ERCC3: variants seen among roughly 807,000 people sequenced by gnomAD.
The protein encoded by ERCC3 is general transcription and DNA repair factor IIH helicase/translocase subunit XPB.
A neutral mutation model predicts 94.2 loss-of-function variants in ERCC3; 66 were observed. That is an observed-to-expected ratio of 0.70 (90% CI 0.57 to 0.86). The LOEUF (loss-of-function observed/expected upper bound fraction) is 0.86, where lower values mean the gene tolerates loss of function less well. Ranked by LOEUF, ERCC3 falls within the 40% of genes least tolerant of loss-of-function variation. The probability of loss-of-function intolerance (pLI) is 0.00; values close to 1 mark genes in which losing one functional copy is unlikely to be tolerated. For missense variants in ERCC3, 829 were observed against 987.1 expected, an observed-to-expected ratio of 0.84 and a Z score of 2.15; for synonymous variants, 349 against 369.1, an observed-to-expected ratio of 0.95 and a Z score of 0.63.
In ERCC3 at chr2:127,259,696, C is replaced by T. The variant is rs1252029648; in HGVS notation, c.2065-248G>A. 3.7e-6 allele frequency: 2 copies of T among 534,386 alleles called. No individual in the cohort carries two copies. The highest frequency in any genetic ancestry group is 6.8e-6 in the Non-Finnish European group (2 of 296,050). The allele number at this position is 534,386 out of a possible 1,614,324, so 33.1% of individuals were successfully genotyped here. ...ATTTCAGAGAAATCTGCCCCCAGCA[C>T]ACAGCATCTAAATGATCATGTATGG... On this transcript the variant is annotated intron_variant, in intron 13 of 14. Transcript: ENST00000285398. The surrounding 1 kb of genome is among the most constrained non-coding windows in gnomAD (Gnocchi z 4.9).
At chr2:127,268,602 C>A (rs1684454548) in intron 12 of ERCC3, among the ~76,000 whole-genome samples, 1 of 152,072 alleles carries the variant, frequency 6.6e-6, no homozygotes. Context: ...TAAAAACAGT[C>A]CCCCAATCTC....
At position 127,273,944 on chromosome 2, in the gene ERCC3, G is replaced by A. The variant is rs116027422; in HGVS notation, c.1731-983C>T. On this transcript the variant is annotated intron_variant, in intron 10 of 14. Transcript: ENST00000285398. Reference sequence around the variant, plus strand: ...AACAGTGATGATGATGATGACAACAGCAAAGACAATGAAGACAAACTACAG... The same window carrying A: ...AACAGTGATGATGATGATGACAACAACAAAGACAATGAAGACAAACTACAG... Among the ~76,000 whole-genome samples, 397 of 151,428 alleles carry A rather than the reference G, an allele frequency of 2.6e-3. 7 individuals are homozygous for A. The highest frequency in any genetic ancestry group is 1.5e-3 in the Non-Finnish European group (104 of 67,910).
chr2:127,290,054 T>G, intron 4 of ERCC3, 170 bp downstream of exon 4: 4 of 767,934 alleles, frequency 5.2e-6, no homozygotes, highest in Non-Finnish European at 9.0e-6. Flanking sequence ...GGAAATACAG[T>G]GGCCAGTGGA....
intron 2 of ERCC3, 63 bp downstream of exon 2, chr2:127,293,450 G>A: frequency 1.4e-6 from 2 of 1,451,464 alleles, no homozygotes; most frequent in South Asian, 2.3e-5. Flanking sequence ...CTCTGAGGAT[G>A]CCCAAGATTT....
At chr2:127,286,630 C>T (rs371150720) in intron 8 of ERCC3, 73 bp downstream of exon 8, 2 of 1,440,936 alleles carry the variant, frequency 1.4e-6, no homozygotes, top group Non-Finnish European at 9.7e-7. Flanking sequence ...CACAGCAGTC[C>T]CTTTCCCAAC....
In ERCC3 at chr2:127,293,786, G is replaced by A. The variant is rs547132480; in HGVS notation, c.29-68C>T. ...AGGGTTCCCTCCGCACCGCTTGGCA[G>A]CATTTCACCTGCGCCGCCGCAAACT... On this transcript the variant is annotated intron_variant, in intron 1 of 14. Coordinates refer to ENST00000285398, the MANE Select transcript of ERCC3 (RefSeq NM_000122.2). 2.3e-5 allele frequency: 37 copies of A among 1,601,998 alleles called. No homozygotes were observed. In the South Asian group the frequency reaches 3.6e-4, roughly 16 times the overall value.
rs1805162 is a variant in ERCC3 at position 127,286,841 on chromosome 2, C to T, written c.1204G>A (p.Gly402Ser). 70 of 1,614,034 alleles carry T rather than the reference C, an allele frequency of 4.3e-5. 1 individual carries two copies. Among genetic ancestry groups the T allele is most frequent in the Non-Finnish European group, 5.3e-5 (63 of 1,180,028 alleles). ...TAGGTGCTAATGGCAACGGAGCAGC[C>T]GATGGGCTTGTCCTTGGCATCGGAG... is the stretch of plus-strand genomic sequence containing the variant. Reference protein sequence around the residue: ...FTSDAKDKPIGCSVAISTYSM... With the variant: ...FTSDAKDKPISCSVAISTYSM... Residue 402 changes from glycine (G) to serine (S), a missense_variant, in exon 8 of 15, where the codon GGC becomes AGC. Coordinates refer to ENST00000285398, the MANE Select transcript of ERCC3 (RefSeq NM_000122.2).
At chr2:127,293,895 G>C (rs1459674143) in intron 1 of ERCC3, 159 bp downstream of exon 1, 1 of 1,525,570 alleles carries the variant, frequency 6.6e-7, no homozygotes, top group African/African-American at 1.4e-5. Context: ...CTGCGCCCAG[G>C]TCCAGCATCT....
intron 7 of ERCC3, among the ~76,000 whole-genome samples, chr2:127,287,928 A>C (rs2104773146): frequency 6.6e-6 from 1 of 152,352 alleles, no homozygotes; most frequent in African/African-American, 2.4e-5. Flanking sequence ...TTTATTATAA[A>C]AATACACTGT....
intron 12 of ERCC3, among the ~76,000 whole-genome samples, chr2:127,269,845 C>T (rs1433694302): frequency 6.6e-6 from 1 of 151,898 alleles, no homozygotes; most frequent in East Asian, 2.0e-4. Context: ...GGTGAAACCC[C>T]GTCTTTACTA....
At position 127,292,866 on chromosome 2, in the gene ERCC3, C is replaced by G. The variant is rs2104781648; in HGVS notation, c.235-20G>C. On this transcript the variant is annotated intron_variant, in intron 2 of 14. Transcript: ENST00000285398. ...GGGAGCCTGAGAGATACCAAATGGA[C>G]AAAACAGACAAGGAAACATGAGTTG... 1 of 1,481,492 alleles carries G rather than the reference C, an allele frequency of 6.7e-7. No homozygotes were observed. The allele number at this position is 1,481,492 out of a possible 1,614,324, so 91.8% of individuals were successfully genotyped here. A position where few individuals can be genotyped will look rare whatever the true frequency, so the allele number is the denominator to read the frequency against.
intron 12 of ERCC3, among the ~76,000 whole-genome samples, chr2:127,266,789 C>G (rs1684387483): frequency 7.1e-6 from 1 of 141,690 alleles, no homozygotes; most frequent in Admixed American, 7.5e-5. Flanking sequence ...GATCTTGGCT[C>G]ACTGCAACCT....
chr2:127,293,916 A>G (rs1685371757), intron 1 of ERCC3, 138 bp downstream of exon 1: 1 of 1,527,900 alleles, frequency 6.5e-7, no homozygotes, highest in Non-Finnish European at 8.8e-7. Flanking sequence ...CTCCCGCCCA[A>G]AGGCCTGTCC....
chr2:127,263,089 C>T (rs976876591), intron 12 of ERCC3, among the ~76,000 whole-genome samples: 1 of 152,176 alleles, frequency 6.6e-6, no homozygotes, highest in Non-Finnish European at 1.5e-5. Context: ...AAGTTGGATA[C>T]TGTGAGGCCT....
chr2:127,292,421 A>G, intron 3 of ERCC3, 189 bp downstream of exon 3: 3 of 671,662 alleles, frequency 4.5e-6, no homozygotes, highest in Non-Finnish European at 8.1e-6. Context: ...GCTCATGAGA[A>G]GCATGGCCTC....
intron 12 of ERCC3, among the ~76,000 whole-genome samples, chr2:127,268,084 G>A (rs1684436977): frequency 6.6e-6 from 1 of 151,998 alleles, no homozygotes; most frequent in African/African-American, 2.4e-5. Context: ...CTCCTGAGTA[G>A]CTGAGATTAT....
chr2:127,259,194 C>A lies in ERCC3; in HGVS notation c.2217+102G>T, dbSNP rs1684113228. The A allele has an allele frequency of 9.4e-6, 13 of 1,376,346 alleles. No individual in the cohort carries two copies. The South Asian group carries it at 1.4e-4, about 15-fold the overall frequency. The allele number at this position is 1,376,346 out of a possible 1,614,324, so 85.3% of individuals were successfully genotyped here. ...TGTTTTCCAACATTTCCAAAAAAAT[C>A]CCATGGGCCCATCCAGGCAGGACTA... On this transcript the variant is annotated intron_variant, in intron 14 of 14. Coordinates refer to ENST00000285398, the MANE Select transcript of ERCC3 (RefSeq NM_000122.2). This position sits in a 1 kb window ranked among gnomAD's most constrained non-coding sequence, Gnocchi z 4.9.
Position 127,289,678 on chromosome 2 carries a change from A to G in ERCC3, c.657+11T>C, listed in dbSNP as rs773905288. On this transcript the variant is annotated intron_variant, in intron 5 of 14. Transcript: ENST00000285398. The stretch of plus-strand genomic sequence containing the variant: ...TGCCCCCACCCAAGGGTGGCCCAGG[A>G]GTCCACATACGGCAGATTTGCTTGT... The G allele has an allele frequency of 3.7e-6, 6 of 1,614,092 alleles. No homozygotes were observed. The highest frequency in any genetic ancestry group is 4.2e-6 in the Non-Finnish European group (5 of 1,179,986).
At chr2:127,293,793 A>C (rs1573966132) in intron 1 of ERCC3, 75 bp from the exon 2 acceptor site, 25 of 1,597,438 alleles carry the variant, frequency 1.6e-5, no homozygotes, top group African/African-American at 8.0e-5. Context: ...GCAGCATTTC[A>C]CCTGCGCCGC....
Sources: gnomAD v4.1 joint callset for allele counts (sites outside exome capture counted in the v4.1 genomes callset) on GRCh38, gnomAD v4.1.1 for gene constraint, Gnocchi (gnomAD v3.1) non-coding constraint, MANE v1.5 for transcripts, NCBI Gene and HGNC (gene_info 2026-07-23, HGNC 2026-07-21) for gene names.